Variants in PRPF4 observed in about 807,000 individuals in gnomAD.
PRPF4 encodes the protein U4/U6 small nuclear ribonucleoprotein Prp4.
Under a neutral mutation model 72.2 loss-of-function variants are expected in PRPF4, and 14 were observed. That is an observed-to-expected ratio of 0.19 (90% CI 0.13 to 0.30). PRPF4 has a LOEUF of 0.30. PRPF4 is among the 10% of genes least tolerant of loss of function. The pLI is 1.00. For synonymous variants in PRPF4, 225 were observed against 232.2 expected, an observed-to-expected ratio of 0.97 and a Z score of 0.28; for missense variants, 478 against 653.9, an observed-to-expected ratio of 0.73 and a Z score of 2.93.
rs138744603 is a variant in PRPF4, at chr9:113,292,566, C to T, written c.*906C>T. ...TTGGAATGCTGACAGCATCAGGCAA[C>T]TCTGAACTGAACATTTGCTTTGTCA... On this transcript the variant is annotated 3_prime_UTR_variant, in exon 14 of 14. Coordinates refer to ENST00000374198, the MANE Select transcript of PRPF4 (RefSeq NM_001244926.2). 15 of 152,320 alleles carry T rather than the reference C, an allele frequency of 9.8e-5. No homozygotes were observed. In the East Asian group the frequency reaches 2.5e-3, roughly 25 times the overall value. 9.4% of individuals were successfully genotyped at this position (152,320 alleles called of 1,614,324 possible). A position where few individuals can be genotyped will look rare whatever the true frequency, so the allele number is the denominator to read the frequency against.
rs1163556464 is a variant in PRPF4, at chr9:113,286,229, T to C, written c.750-3T>C. 5.6e-6 allele frequency: 9 copies of C among 1,614,144 alleles called. No homozygotes were observed. The highest frequency in any genetic ancestry group is 1.1e-5 in the South Asian group (1 of 91,076). On this transcript the variant is annotated splice_region_variant and splice_polypyrimidine_tract_variant and intron_variant, in intron 7 of 13. Coordinates refer to ENST00000374198, the MANE Select transcript of PRPF4 (RefSeq NM_001244926.2). ...CTGAGATGCTTTCCTTTGTATTTGATAGGAGTGGGCTTTGCAAGCTCTGGT... is the reference window on the plus strand; with the variant it reads ...CTGAGATGCTTTCCTTTGTATTTGACAGGAGTGGGCTTTGCAAGCTCTGGT...
chr9:113,279,864 AGG>A (rs1832223030), intron 3 of PRPF4, among the ~76,000 whole-genome samples: 1 of 152,206 alleles, frequency 6.6e-6, no homozygotes, highest in Non-Finnish European at 1.5e-5. Flanking sequence ...TTTATTGAAG[AGG>A]GGTACCATCC....
intron 3 of PRPF4, among the ~76,000 whole-genome samples, chr9:113,282,116 AGAG>A (rs908134902): frequency 7.2e-5 from 11 of 152,204 alleles, no homozygotes; most frequent in Non-Finnish European, 1.6e-4. Flanking sequence ...ATTTCCAAAT[AGAG>A]AAGACTGAGT....
chr9:113,281,042 C>T (rs1249224992), intron 3 of PRPF4, among the ~76,000 whole-genome samples: 4 of 152,052 alleles, frequency 2.6e-5, no homozygotes, highest in Non-Finnish European at 4.4e-5. Flanking sequence ...GGTTTCAACA[C>T]GTTGGCCAGG....
At position 113,275,674 on chromosome 9, in the gene PRPF4, G is replaced by C. The variant is rs575561116; in HGVS notation, c.-70G>C. On this transcript the variant is annotated 5_prime_UTR_variant, in exon 1 of 14. Coordinates refer to ENST00000374198, the MANE Select transcript of PRPF4 (RefSeq NM_001244926.2). ...GTCAGTGACGCACTTCCCCTCTGCT[G>C]GGCGCGCGGTGGACGGTCTGAAAGG... is the stretch of plus-strand genomic sequence containing the variant. 1 of 1,555,030 alleles carries C rather than the reference G, an allele frequency of 6.4e-7. No homozygotes were observed. Among genetic ancestry groups the C allele is most frequent in the African/African-American group, 1.4e-5 (1 of 73,046 alleles).
intron 4 of PRPF4, 104 bp downstream of exon 4, chr9:113,282,837 A>G: frequency 2.7e-6 from 3 of 1,101,376 alleles, no homozygotes; most frequent in South Asian, 3.0e-5. Context: ...TGTTGGGGGA[A>G]ATGTTTTTGA....
intron 4 of PRPF4, 73 bp downstream of exon 4, chr9:113,282,806 C>CTTCACAGTATAAACATG: frequency 7.7e-7 from 1 of 1,299,788 alleles, no homozygotes; most frequent in Non-Finnish European, 1.1e-6. Flanking sequence ...TTTCTGCTTT[C>CTTCACAGTATAAACATG]AATGGTTTGT....
At chr9:113,276,456 C>A in intron 1 of PRPF4, 92 bp from the exon 2 acceptor site, 2 of 1,371,186 alleles carry the variant, frequency 1.5e-6, no homozygotes, top group Non-Finnish European at 2.1e-6. Flanking sequence ...GGAAACAGGA[C>A]TGTGAAACTC....
At chr9:113,291,405 C>A in intron 13 of PRPF4, 62 bp from the exon 14 acceptor site, 1 of 1,486,530 alleles carries the variant, frequency 6.7e-7, no homozygotes, top group Non-Finnish European at 9.2e-7. Flanking sequence ...GACTTTTGTG[C>A]TTTTGTCTTC....
At chr9:113,284,821 G>A (rs1588014982) in intron 7 of PRPF4, among the ~76,000 whole-genome samples, 1 of 152,188 alleles carries the variant, frequency 6.6e-6, no homozygotes, top group Non-Finnish European at 1.5e-5. Context: ...ACAGTGCCTG[G>A]TATGTAGTAA....
rs1832318250 is a variant in PRPF4 at position 113,282,709 on chromosome 9, G to A, written c.456G>A (p.Glu152=). ...DALKKTKKDD[E]KSKKSKEEYQ... The stretch of plus-strand genomic sequence containing the variant: ...TGAAAAAGACCAAAAAGGATGATGA[G>A]AAGTCTAAAAAGTCCAAAGAAGAGG... Residue 152 remains glutamate (E), a synonymous_variant, in exon 4 of 14, where the codon GAG becomes GAA. Coordinates refer to ENST00000374198, the MANE Select transcript of PRPF4 (RefSeq NM_001244926.2). 1.9e-6 allele frequency: 3 copies of A among 1,609,294 alleles called. No individual in the cohort carries two copies. The highest frequency in any genetic ancestry group is 4.5e-5 in the East Asian group (2 of 44,768).
At chr9:113,281,286 T>C (rs1447094527) in intron 3 of PRPF4, among the ~76,000 whole-genome samples, 3 of 152,230 alleles carry the variant, frequency 2.0e-5, no homozygotes, top group Non-Finnish European at 4.4e-5. Flanking sequence ...TCATAGTATG[T>C]TATTTTATTA....
Position 113,288,274 on chromosome 9 carries a change from C to T in PRPF4, c.1022+10C>T, listed in dbSNP as rs370232159. On this transcript the variant is annotated intron_variant, in intron 10 of 13. Coordinates refer to ENST00000374198, the MANE Select transcript of PRPF4 (RefSeq NM_001244926.2). The stretch of plus-strand genomic sequence containing the variant: ...TCCTGGGCACCACCTGGTGAGCCAT[C>T]CTGTTATTGTTTTATCCATATAGGC... 28 of 1,613,320 alleles carry T rather than the reference C, an allele frequency of 1.7e-5. No individual in the cohort carries two copies. In the South Asian group the frequency reaches 2.7e-4, roughly 16 times the overall value.
chr9:113,280,212 T>G (rs10759638), intron 3 of PRPF4, among the ~76,000 whole-genome samples: 55,671 of 151,860 alleles, frequency 0.37, 10,562 homozygotes, highest in South Asian at 0.53. Flanking sequence ...ACTCTCCTAA[T>G]AACAAATCCT....
rs1832194156 is a variant in PRPF4, at chr9:113,279,018, G to A, written c.279G>A (p.Lys93=). The change falls in exon 3 of 14, where the codon AAG becomes AAA. Residue 93 remains lysine (K), a synonymous_variant. Coordinates refer to ENST00000374198, the MANE Select transcript of PRPF4 (RefSeq NM_001244926.2). ...TATTGGCTGAGTTTGAGAGAAGGAA[G>A]CGAGCCCGGCAGATCAATGTTTCCA... The part of the protein sequence containing the change: ...AEVLAEFERR[K]RARQINVSTD... 2 of 1,614,240 alleles carry A rather than the reference G, an allele frequency of 1.2e-6. No individual in the cohort carries two copies. Among genetic ancestry groups the A allele is most frequent in the East Asian group, 4.5e-5 (2 of 44,888 alleles).
chr9:113,276,763 T>A, intron 2 of PRPF4, 38 bp downstream of exon 2: 1 of 1,558,224 alleles, frequency 6.4e-7, no homozygotes, highest in Non-Finnish European at 8.7e-7. Flanking sequence ...TACCTCTTTG[T>A]GTAATGAATA....
intron 9 of PRPF4, 94 bp downstream of exon 9, chr9:113,286,922 G>C (rs189293097): frequency 9.0e-5 from 143 of 1,581,198 alleles, no homozygotes; most frequent in Admixed American, 4.6e-4. Context: ...CTGGCATTTA[G>C]GCCATGCGCA....
chr9:113,286,332 G>A (rs1372270879), intron 8 of PRPF4, 42 bp downstream of exon 8: 1 of 1,530,722 alleles, frequency 6.5e-7, no homozygotes, highest in Non-Finnish European at 9.1e-7. Flanking sequence ...TTTTCCCAGT[G>A]TGAACTCAGT....
chr9:113,290,878 A>G lies in PRPF4; in HGVS notation c.1254-20A>G, dbSNP rs555255390. ...AGTAAGTACTCTATTTCTAACTTCA[A>G]TACTGCATCCAATCCACAGCTATCA... On this transcript the variant is annotated intron_variant, in intron 12 of 13. Coordinates refer to ENST00000374198, the MANE Select transcript of PRPF4 (RefSeq NM_001244926.2). 3.6e-4 allele frequency: 584 copies of G among 1,613,278 alleles called. 3 individuals are homozygous for G. The South Asian group carries it at 5.2e-3, about 14-fold the overall frequency.
Sources: allele counts gnomAD v4.1 joint callset (sites outside exome capture counted in the v4.1 genomes callset), GRCh38; gene constraint gnomAD v4.1.1; transcripts MANE v1.5; gene names NCBI Gene and HGNC (gene_info 2026-07-23, HGNC 2026-07-21).